Variants in CLTC observed in about 807,000 individuals in gnomAD.
CLTC encodes clathrin heavy chain.
CLTC carries 16 observed loss-of-function variants against 195.8 expected under a neutral mutation model. The ratio of observed to expected loss-of-function variants is 0.08; its 90% CI spans 0.06 to 0.12. The LOEUF is 0.12. Among genes scored for constraint, CLTC ranks in the 10% least tolerant of loss-of-function variants. The probability of loss-of-function intolerance (pLI) is 1.00; values close to 1 mark genes in which losing one functional copy is unlikely to be tolerated. For synonymous variants in CLTC, 667 were observed against 689.4 expected (o/e 0.97, Z 0.51); for missense variants, 796 against 2,027.0 (o/e 0.39, Z 11.66).
At chr17:59,676,930 G>A in intron 16 of CLTC, 24 bp from the exon 17 acceptor site, 1 of 1,524,318 alleles carries the variant, frequency 6.6e-7, no homozygotes. Context: ...ATGTGTGTGT[G>A]AGGTTTTTTT....
intron 1 of CLTC, among the ~76,000 whole-genome samples, chr17:59,630,446 A>G (rs985719253): frequency 6.6e-6 from 1 of 152,256 alleles, no homozygotes; most frequent in Non-Finnish European, 1.5e-5. Flanking sequence ...AAAATTAACC[A>G]TTTTAAAGTG....
At chr17:59,687,040 A>G in intron 30 of CLTC, 1 of 985,710 alleles carries the variant, frequency 1.0e-6, no homozygotes, top group Non-Finnish European at 1.2e-6. Context: ...TGATTCTTTA[A>G]CATCTTTAAG....
intron 30 of CLTC, among the ~76,000 whole-genome samples, chr17:59,688,766 T>G (rs575372201): frequency 1.6e-4 from 25 of 152,348 alleles, no homozygotes; most frequent in Admixed American, 7.2e-4. Flanking sequence ...AGACCTTAAC[T>G]TTTAAACACA....
chr17:59,682,527 A>G lies in CLTC; in HGVS notation c.3600+99A>G. The G allele has an allele frequency of 6.3e-7, 1 of 1,578,518 alleles. No individual in the cohort carries two copies. The highest frequency in any genetic ancestry group is 8.6e-7 in the Non-Finnish European group (1 of 1,158,506). On this transcript the variant is annotated intron_variant, in intron 22 of 31. Transcript: ENST00000269122. The surrounding 1 kb of genome is among the most constrained non-coding windows in gnomAD (Gnocchi z 6.8). ...ACTGAAGAATTCCAAGGAAAAATCT[A>G]TAGGAAAACAAATTCTTTCTCATTG...
intron 10 of CLTC, 95 bp downstream of exon 10, chr17:59,665,004 T>G: frequency 1.3e-6 from 2 of 1,484,896 alleles, no homozygotes; most frequent in Admixed American, 3.8e-5. Context: ...GTGGGAGTAT[T>G]GCTTGAGGCC....
At chr17:59,633,838 A>G (rs1320787244) in intron 1 of CLTC, among the ~76,000 whole-genome samples, 1 of 152,234 alleles carries the variant, frequency 6.6e-6, no homozygotes, top group African/African-American at 2.4e-5. Context: ...TATTCATATC[A>G]GGAAACCAAG....
At chr17:59,624,559 G>C (rs914799138) in intron 1 of CLTC, among the ~76,000 whole-genome samples, 3 of 139,668 alleles carry the variant, frequency 2.1e-5, no homozygotes, top group African/African-American at 8.3e-5. Flanking sequence ...ACCTCCACCT[G>C]CCAGGTTCAA....
At chr17:59,675,036 A>G (rs911111207) in intron 16 of CLTC, among the ~76,000 whole-genome samples, 193 bp downstream of exon 16, 27 of 152,206 alleles carry the variant, frequency 1.8e-4, no homozygotes, top group African/African-American at 6.5e-4. Context: ...TATAGCTGTC[A>G]TAGGAGATCT....
At chr17:59,644,847 A>G (rs2032148573) in intron 2 of CLTC, among the ~76,000 whole-genome samples, 1 of 152,172 alleles carries the variant, frequency 6.6e-6, no homozygotes, top group African/African-American at 2.4e-5. Context: ...CACCACGCCC[A>G]GCCAGCTCTT....
intron 1 of CLTC, among the ~76,000 whole-genome samples, chr17:59,641,764 T>C (rs955071858): frequency 2.0e-5 from 3 of 152,250 alleles, no homozygotes; most frequent in Non-Finnish European, 2.9e-5. Context: ...CTTGGTAGCA[T>C]ATGTTTAATG....
chr17:59,687,359 TGGACCATAATA>T (rs2033205994), intron 30 of CLTC, among the ~76,000 whole-genome samples: 1 of 152,202 alleles, frequency 6.6e-6, no homozygotes, highest in African/African-American at 2.4e-5. Context: ...TCAGGGTATC[TGGACCATAATA>T]GGACTGTCAT....
chr17:59,674,620 CGATAGA>C, intron 15 of CLTC, 75 bp from the exon 16 acceptor site: 3 of 1,283,036 alleles, frequency 2.3e-6, no homozygotes, highest in East Asian at 5.2e-5. Context: ...AGCTTAAAAG[CGATAGA>C]GATAAATGCT....
rs1052948090 is a variant in CLTC, at chr17:59,644,549, TG to T, written c.250+67del. On this transcript the variant is annotated intron_variant, in intron 2 of 31. Coordinates refer to ENST00000269122, the MANE Select transcript of CLTC (RefSeq NM_004859.4). ...TTTTTGTTTTTTTTTGTTTTTTTTT[TG>T]TTTGTTTGTTTGTTTTTGAGACGGA... The T allele has an allele frequency of 2.0e-4, 245 of 1,223,054 alleles. No individual in the cohort carries two copies. The African/African-American group carries it at 2.1e-3, about 10-fold the overall frequency. 75.8% of individuals were successfully genotyped at this position (1,223,054 alleles called of 1,614,324 possible).
At chr17:59,639,128 C>A (rs2031956399) in intron 1 of CLTC, among the ~76,000 whole-genome samples, 1 of 152,166 alleles carries the variant, frequency 6.6e-6, no homozygotes, top group South Asian at 2.1e-4. Flanking sequence ...GGGTGCTTTT[C>A]TGTAAAAACA....
chr17:59,638,488 C>G (rs1244082874), intron 1 of CLTC, among the ~76,000 whole-genome samples: 1 of 94,242 alleles, frequency 1.1e-5, no homozygotes, highest in Non-Finnish European at 2.1e-5. Context: ...TTCTCTAGAT[C>G]AGTGGTCCAC....
intron 6 of CLTC, among the ~76,000 whole-genome samples, chr17:59,659,124 T>C (rs2032546990): frequency 1.3e-5 from 2 of 152,166 alleles, no homozygotes; most frequent in Non-Finnish European, 2.9e-5. Context: ...AGTAATACAG[T>C]TAAACAAAGA....
At chr17:59,631,671 A>T (rs556221684) in intron 1 of CLTC, among the ~76,000 whole-genome samples, 3 of 152,292 alleles carry the variant, frequency 2.0e-5, no homozygotes, top group South Asian at 2.1e-4. Context: ...AAGATTTTTT[A>T]AAAAGATTTT....
chr17:59,687,443 G>C (rs775196079), intron 30 of CLTC, among the ~76,000 whole-genome samples: 1 of 151,046 alleles, frequency 6.6e-6, no homozygotes, highest in Non-Finnish European at 1.5e-5. Context: ...GACAGTTGTC[G>C]AATTTATATA....
intron 5 of CLTC, among the ~76,000 whole-genome samples, chr17:59,653,177 T>TTATG (rs993165388): frequency 2.0e-5 from 3 of 150,672 alleles, no homozygotes; most frequent in African/African-American, 7.2e-5. Flanking sequence ...ATTTGTTTAT[T>TTATG]TATTTATTTA....
Sources: gnomAD v4.1 joint callset for allele counts (sites outside exome capture counted in the v4.1 genomes callset) on GRCh38, gnomAD v4.1.1 for gene constraint, Gnocchi (gnomAD v3.1) non-coding constraint, MANE v1.5 for transcripts, NCBI Gene and HGNC (gene_info 2026-07-23, HGNC 2026-07-21) for gene names.